The following IL17RE variants were observed in gnomAD, a reference collection of about 807,000 sequenced individuals.
The protein encoded by IL17RE is interleukin-17 receptor E.
A neutral mutation model predicts 70.7 loss-of-function variants in IL17RE; 47 were observed. The ratio of observed to expected loss-of-function variants is 0.67; its 90% CI spans 0.53 to 0.85. The LOEUF is 0.85. IL17RE is among the 40% of genes least tolerant of loss of function. The probability of loss-of-function intolerance (pLI) is 0.00; values close to 1 mark genes in which losing one functional copy is unlikely to be tolerated. For synonymous variants in IL17RE, 372 were observed against 381.2 expected, an observed-to-expected ratio of 0.98 and a Z score of 0.28; for missense variants, 850 against 893.9, an observed-to-expected ratio of 0.95 and a Z score of 0.63.
intron 12 of IL17RE, chr3:9,911,806 T>A: frequency 2.0e-6 from 1 of 490,946 alleles, no homozygotes. Context: ...TTTCTTTTTT[T>A]CTTTTTTTTT....
intron 12 of IL17RE, 105 bp from the exon 13 acceptor site, chr3:9,913,851 G>T: frequency 1.1e-6 from 1 of 895,882 alleles, no homozygotes; most frequent in Non-Finnish European, 1.9e-6. Context: ...AAGCCTCGTA[G>T]GATTGGGGGT....
At position 9,906,857 on chromosome 3, in the gene IL17RE, G is replaced by A. The variant is rs2082770363; in HGVS notation, c.518G>A (p.Arg173Lys). 3 of 1,614,210 alleles carry A rather than the reference G, an allele frequency of 1.9e-6. No homozygotes were observed. The highest frequency in any genetic ancestry group is 2.5e-6 in the Non-Finnish European group (3 of 1,180,044). ...WESLPRLDSQ[R>K]HGGPEFSFDL... ...AGTCTTCCCAGATTGGACTCACAAAGGCATGGAGGTGGGCACTGGGTACAA... is the reference window on the plus strand; with the variant it reads ...AGTCTTCCCAGATTGGACTCACAAAAGCATGGAGGTGGGCACTGGGTACAA... Residue 173 changes from arginine (R) to lysine (K), a missense_variant, in exon 5 of 16, where the codon AGG becomes AAG. Coordinates refer to ENST00000383814, the MANE Select transcript of IL17RE (RefSeq NM_153480.2).
upstream of IL17RE, chr3:9,902,571 TG>T: frequency 6.8e-7 from 1 of 1,480,958 alleles, no homozygotes; most frequent in Non-Finnish European, 9.1e-7. Flanking sequence ...TGCTGATGGG[TG>T]GATCAGATCT....
At chr3:9,913,006 A>T (rs2125091562) in intron 12 of IL17RE, among the ~76,000 whole-genome samples, 1 of 152,354 alleles carries the variant, frequency 6.6e-6, no homozygotes, top group South Asian at 2.1e-4. Flanking sequence ...GTTACCAATA[A>T]ATGAATATAC....
At chr3:9,904,918 A>T (rs985947436) in intron 3 of IL17RE, among the ~76,000 whole-genome samples, 1 of 151,784 alleles carries the variant, frequency 6.6e-6, no homozygotes, top group African/African-American at 2.4e-5. Flanking sequence ...ACATGGCCAA[A>T]CCCCATCTCT....
At chr3:9,905,112 A>AG (rs1225048293) in intron 3 of IL17RE, among the ~76,000 whole-genome samples, 5 of 151,174 alleles carry the variant, frequency 3.3e-5, no homozygotes, top group Middle Eastern at 3.4e-3. Context: ...AAAAAAAAAA[A>AG]AAAAAAAGAA....
rs1376224929 is a variant in IL17RE, at chr3:9,902,998, C to G, written c.66C>G (p.Asp22Glu). The G allele has an allele frequency of 1.9e-6, 3 of 1,614,268 alleles. No homozygotes were observed. The change falls in exon 1 of 16, where the codon GAC (aspartate) becomes GAG (glutamate). Residue 22 changes from aspartate to glutamate, a missense_variant. Coordinates refer to ENST00000383814, the MANE Select transcript of IL17RE (RefSeq NM_153480.2). ...TCCTCATAGTCATCGACCTCTCTGACTCTGCTGGGATTGGCTTTCGCCACC... is the reference window on the plus strand; with the variant it reads ...TCCTCATAGTCATCGACCTCTCTGAGTCTGCTGGGATTGGCTTTCGCCACC... The part of the protein sequence containing the change: ...PLLLIVIDLS[D>E]SAGIGFRHLP...
rs767217518 is a variant in IL17RE, at chr3:9,914,742, T to G, written c.1412T>G (p.Val471Gly). ...CTGGCCCTCCTCACCCTACTGGGTG[T>G]TGTTCTGGCCCTCACCTGCCGGCGC... ...ALLALLTLLG[V>G]VLALTCRRPQ... Residue 471 changes from valine (V) to glycine (G), a missense_variant, in exon 15 of 16, where the codon GTT becomes GGT. Val to Gly is a moderately radical substitution (Grantham distance 109). Coordinates refer to ENST00000383814, the MANE Select transcript of IL17RE (RefSeq NM_153480.2). The G allele has an allele frequency of 6.2e-7, 1 of 1,614,046 alleles. No homozygotes were observed. The highest frequency in any genetic ancestry group is 8.5e-7 in the Non-Finnish European group (1 of 1,180,008).
At chr3:9,905,094 CAA>C (rs71626946) in intron 3 of IL17RE, among the ~76,000 whole-genome samples, 34 of 56,138 alleles carry the variant, frequency 6.1e-4, no homozygotes, top group Middle Eastern at 0.015. Context: ...GACCCTGTCT[CAA>C]AAAAAAAAAA....
In IL17RE at chr3:9,914,672, G is replaced by GA; in HGVS notation, c.1349-6dup. 6.2e-7 allele frequency: 1 copy of GA among 1,614,038 alleles called. No homozygotes were observed. The highest frequency in any genetic ancestry group is 8.5e-7 in the Non-Finnish European group (1 of 1,179,912). On this transcript the variant is annotated splice_polypyrimidine_tract_variant and splice_region_variant and intron_variant, in intron 14 of 15. Transcript: ENST00000383814. ...AACTGGGCTTGGCCTCATCCTGCTT[G>GA]ACTCAGTCTCTTACAGACACCTGGG...
In IL17RE at chr3:9,914,012, G is replaced by T; in HGVS notation, c.1284G>T (p.Gly428=). 1.2e-6 allele frequency: 2 copies of T among 1,613,678 alleles called. No individual in the cohort carries two copies. The highest frequency in any genetic ancestry group is 1.7e-6 in the Non-Finnish European group (2 of 1,179,584). ...LDLIIPFLRP[G]CCVLVWRSDV... ...TCATCATTCCCTTCCTGAGGCCAGG[G>T]TGCTGTGTCCTGGTAAGGAAACCTA... Residue 428 remains glycine (G), a synonymous_variant, in exon 13 of 16, where the codon GGG becomes GGT. Coordinates refer to ENST00000383814, the MANE Select transcript of IL17RE (RefSeq NM_153480.2).
At chr3:9,908,700 GT>G (rs1369647581) in intron 7 of IL17RE, among the ~76,000 whole-genome samples, 3 of 152,236 alleles carry the variant, frequency 2.0e-5, no homozygotes, top group African/African-American at 7.2e-5. Context: ...CTCTGTGGCA[GT>G]CCTCCTTTTC....
At chr3:9,907,153 GA>G in intron 6 of IL17RE, 53 bp downstream of exon 6, 1 of 1,607,592 alleles carries the variant, frequency 6.2e-7, no homozygotes, top group Non-Finnish European at 8.5e-7. Flanking sequence ...GCTAGCAAAA[GA>G]GGCCACCCAT....
Position 9,908,372 on chromosome 3 carries a change from T to TGGTC in IL17RE, c.735+66_735+69dup, listed in dbSNP as rs2082810060. 5.8e-6 allele frequency: 8 copies of TGGTC among 1,367,644 alleles called. No individual in the cohort carries two copies. The South Asian group carries it at 9.4e-5, about 16-fold the overall frequency. 84.7% of individuals were successfully genotyped at this position (1,367,644 alleles called of 1,614,324 possible). On this transcript the variant is annotated intron_variant, in intron 7 of 15. Transcript: ENST00000383814. ...TCCTAAGCCCCCAAGGTAGCGCAGT[T>TGGTC]GGTCAAGTATATCTCCAGTAAATTG...
chr3:9,903,119 C>G (rs954911767), intron 1 of IL17RE, 55 bp downstream of exon 1: 7 of 1,483,166 alleles, frequency 4.7e-6, no homozygotes, highest in African/African-American at 1.4e-5. Context: ...TAAAGCTCCC[C>G]ACTCCCCTGC....
In IL17RE at chr3:9,911,172, A is replaced by G. The variant is rs1001486518; in HGVS notation, c.1024A>G (p.Lys342Glu). 1.9e-6 allele frequency: 3 copies of G among 1,614,076 alleles called. No homozygotes were observed. The African/African-American group carries it at 4.0e-5, about 22-fold the overall frequency. The stretch of plus-strand genomic sequence containing the variant: ...GGACCTGCACCCCCAGCTCTGCTTC[A>G]AGGTACAACCATGGGTAAGAAAAGA... ...KVDLHPQLCF[K>E]FSFGNSSHVE... Residue 342 changes from lysine to glutamate, a missense_variant and splice_region_variant, in exon 10 of 16, where the codon AAG becomes GAG. By Grantham distance (56) the Lys-to-Glu change is moderately conservative (BLOSUM62 1). Transcript: ENST00000383814.
At position 9,915,963 on chromosome 3, in the gene IL17RE, G is replaced by T; in HGVS notation, c.*156G>T. 1 of 1,274,294 alleles carries T rather than the reference G, an allele frequency of 7.8e-7. No homozygotes were observed. Among genetic ancestry groups the T allele is most frequent in the Non-Finnish European group, 1.0e-6 (1 of 995,640 alleles). The allele number at this position is 1,274,294 out of a possible 1,614,324, so 78.9% of individuals were successfully genotyped here. ...CCTGCCTCACAGGCCGGAAGTCCCAGCCCAGTCCCCGCGCGCGTCCCTCTT... is the reference window on the plus strand; with the variant it reads ...CCTGCCTCACAGGCCGGAAGTCCCATCCCAGTCCCCGCGCGCGTCCCTCTT... On this transcript the variant is annotated 3_prime_UTR_variant, in exon 16 of 16. Coordinates refer to ENST00000383814, the MANE Select transcript of IL17RE (RefSeq NM_153480.2). The surrounding 1 kb of genome is among the most constrained non-coding windows in gnomAD (Gnocchi z 4.9).
upstream of IL17RE, chr3:9,902,811 G>A: frequency 6.3e-7 from 1 of 1,576,920 alleles, no homozygotes; most frequent in Non-Finnish European, 8.6e-7. Context: ...GCAGGGCGGG[G>A]CCAGGGCAGG....
intron 8 of IL17RE, chr3:9,909,837 G>C (rs1211691937): frequency 6.6e-6 from 1 of 152,464 alleles, no homozygotes; most frequent in African/African-American, 2.4e-5. Flanking sequence ...AGGCTGTAGG[G>C]CAAGAAATTG....
Sources: allele counts gnomAD v4.1 joint callset (sites outside exome capture counted in the v4.1 genomes callset), GRCh38; gene constraint gnomAD v4.1.1; non-coding constraint Gnocchi (gnomAD v3.1); transcripts MANE v1.5; gene names NCBI Gene and HGNC (gene_info 2026-07-23, HGNC 2026-07-21).